Variants in SND1 observed in about 807,000 individuals in gnomAD.
SND1 encodes staphylococcal nuclease and tudor domain containing 1.
SND1 carries 38 observed loss-of-function variants against 121.7 expected under a neutral mutation model. That is an observed-to-expected ratio of 0.31 (90% CI 0.24 to 0.41). SND1 has a LOEUF of 0.41. Among genes scored for constraint, SND1 ranks in the 10% least tolerant of loss-of-function variants. The pLI, the probability that SND1 is intolerant of heterozygous loss-of-function variation, is 1.00. For missense variants in SND1, 868 were observed against 1,184.6 expected (o/e 0.73, Z 3.92); for synonymous variants, 401 against 447.4 (o/e 0.90, Z 1.31).
intron 11 of SND1, among the ~76,000 whole-genome samples, chr7:127,824,590 A>G (rs1254060106): frequency 1.3e-5 from 2 of 152,168 alleles, no homozygotes; most frequent in Non-Finnish European, 2.9e-5. Context: ...TGTCCCAATT[A>G]CTTTATCTTT....
At chr7:127,759,295 A>G (rs189887398) in intron 10 of SND1, among the ~76,000 whole-genome samples, 1 of 152,304 alleles carries the variant, frequency 6.6e-6, no homozygotes, top group African/African-American at 2.4e-5. Flanking sequence ...GAAACTATAT[A>G]AAATCAAATT....
chr7:127,863,992 A>C (rs1486589219), intron 12 of SND1, among the ~76,000 whole-genome samples: 2 of 152,334 alleles, frequency 1.3e-5, no homozygotes, highest in Non-Finnish European at 2.9e-5. Flanking sequence ...AAAGTACCTC[A>C]AGAAGTGTCT....
At chr7:127,857,815 G>T (rs1799309224) in intron 12 of SND1, 1 of 821,498 alleles carries the variant, frequency 1.2e-6, no homozygotes, top group East Asian at 2.4e-5. Context: ...GTTCAGGAAA[G>T]AAGGGCCCAC....
chr7:127,675,404 T>C (rs780995809), intron 1 of SND1, among the ~76,000 whole-genome samples: 1 of 152,238 alleles, frequency 6.6e-6, no homozygotes, highest in Non-Finnish European at 1.5e-5. Flanking sequence ...TACGTTTAGA[T>C]GCATGCTCCA....
At chr7:127,846,923 T>A (rs2116652186) in intron 12 of SND1, among the ~76,000 whole-genome samples, 1 of 152,296 alleles carries the variant, frequency 6.6e-6, no homozygotes, top group Non-Finnish European at 1.5e-5. Context: ...GTTTTCCTTT[T>A]ATCTTGCTTT....
chr7:128,034,955 G>A (rs1792720458), intron 16 of SND1, among the ~76,000 whole-genome samples: 1 of 152,186 alleles, frequency 6.6e-6, no homozygotes, highest in African/African-American at 2.4e-5. Flanking sequence ...TGCCACCAAA[G>A]AATAAGAAGG....
chr7:127,698,962 T>C lies in SND1; in HGVS notation c.428+9T>C. On this transcript the variant is annotated intron_variant, in intron 4 of 23. Transcript: ENST00000354725. ...GGCATGAGAGCTAATAAGTAAGTATTCATTACTCCGCTGTCTCTCTGACAG... is the reference window on the plus strand; with the variant it reads ...GGCATGAGAGCTAATAAGTAAGTATCCATTACTCCGCTGTCTCTCTGACAG... 6.2e-7 allele frequency: 1 copy of C among 1,608,698 alleles called. No individual in the cohort carries two copies.
intron 21 of SND1, among the ~76,000 whole-genome samples, chr7:128,089,066 T>C (rs1334240744): frequency 1.3e-5 from 2 of 152,030 alleles, no homozygotes; most frequent in Non-Finnish European, 2.9e-5. Context: ...TTTTTTGGTA[T>C]TTTTTTGAGG....
At chr7:127,929,480 T>C (rs900110968) in intron 15 of SND1, 151 bp downstream of exon 15, 1 of 765,942 alleles carries the variant, frequency 1.3e-6, no homozygotes, top group African/African-American at 1.7e-5. Context: ...GTTTCTAGAT[T>C]GGATCCTCCT....
At chr7:127,805,940 A>G (rs925680660) in intron 10 of SND1, among the ~76,000 whole-genome samples, 6 of 152,202 alleles carry the variant, frequency 3.9e-5, no homozygotes, top group African/African-American at 1.4e-4. Flanking sequence ...TCAAGTCTGC[A>G]AAGCAGTCCT....
At chr7:128,050,020 A>G (rs531678440) in intron 16 of SND1, among the ~76,000 whole-genome samples, 2 of 152,326 alleles carry the variant, frequency 1.3e-5, no homozygotes, top group South Asian at 2.1e-4. Context: ...TTCTCTGTCT[A>G]AGGCAGGTAG....
intron 15 of SND1, among the ~76,000 whole-genome samples, chr7:127,987,311 C>T (rs957225389): frequency 1.3e-5 from 2 of 152,198 alleles, no homozygotes; most frequent in East Asian, 1.9e-4. Context: ...TTATTTTTAA[C>T]GTCCATTTTA....
chr7:128,028,447 C>T (rs1563093442), intron 16 of SND1: 6 of 453,476 alleles, frequency 1.3e-5, no homozygotes, highest in Non-Finnish European at 2.3e-5. Flanking sequence ...GGCTTGTACC[C>T]CACAACGTTC....
intron 2 of SND1, among the ~76,000 whole-genome samples, chr7:127,692,881 C>A (rs1252561318): frequency 6.6e-6 from 1 of 152,196 alleles, no homozygotes; most frequent in African/African-American, 2.4e-5. Context: ...CTTCAGCGAG[C>A]CTTAAAAGTT....
intron 10 of SND1, among the ~76,000 whole-genome samples, chr7:127,771,870 T>C (rs780272229): frequency 6.6e-6 from 1 of 152,142 alleles, no homozygotes; most frequent in African/African-American, 2.4e-5. Flanking sequence ...GCTTGGTAAA[T>C]TGCCCAGCAG....
intron 16 of SND1, chr7:127,997,630 C>G: frequency 2.1e-6 from 1 of 481,996 alleles, no homozygotes; most frequent in South Asian, 1.6e-5. Flanking sequence ...ATATAACTCC[C>G]CATTGCCTCT....
intron 12 of SND1, among the ~76,000 whole-genome samples, chr7:127,882,961 C>T (rs1487790845): frequency 2.6e-5 from 4 of 152,166 alleles, no homozygotes; most frequent in Admixed American, 2.0e-4. Flanking sequence ...AGCCATCACT[C>T]TCCATGTCAG....
chr7:128,058,711 ACT>A (rs1793182281), intron 16 of SND1, among the ~76,000 whole-genome samples: 1 of 151,966 alleles, frequency 6.6e-6, no homozygotes, highest in Non-Finnish European at 1.5e-5. Context: ...AAACATTCTG[ACT>A]CTAGTTCAGC....
chr7:128,092,014 G>C lies in SND1; in HGVS notation c.2689G>C (p.Asp897His). 6.2e-7 allele frequency: 1 copy of C among 1,614,144 alleles called. No homozygotes were observed. Among genetic ancestry groups the C allele is most frequent in the Non-Finnish European group, 8.5e-7 (1 of 1,179,968 alleles). Reference protein sequence around the residue: ...SARLNLWRYGDFRADDADEFG... With the variant: ...SARLNLWRYGHFRADDADEFG... Reference sequence around the variant, plus strand: ...ACAGCTGAACCTGTGGCGCTATGGAGACTTTCGAGCTGATGATGCAGACGA... The same window carrying C: ...ACAGCTGAACCTGTGGCGCTATGGACACTTTCGAGCTGATGATGCAGACGA... Residue 897 changes from aspartate to histidine, a missense_variant, in exon 24 of 24, where the codon GAC (aspartate) becomes CAC (histidine). Transcript: ENST00000354725. This position sits in a 1 kb window ranked among gnomAD's most constrained non-coding sequence, Gnocchi z 4.9.
Sources: gnomAD v4.1 joint callset for allele counts (sites outside exome capture counted in the v4.1 genomes callset) on GRCh38, gnomAD v4.1.1 for gene constraint, Gnocchi (gnomAD v3.1) non-coding constraint, MANE v1.5 for transcripts, NCBI Gene and HGNC (gene_info 2026-07-23, HGNC 2026-07-21) for gene names.